MSH3: variants seen among roughly 807,000 people sequenced by gnomAD.
MSH3 encodes DNA mismatch repair protein Msh3.
In MSH3, 106 loss-of-function variants were observed where a neutral mutation model predicts 123.3. The observed-to-expected ratio is 0.86, with a 90% CI of 0.73 to 1.01. The LOEUF is 1.01. Among genes scored for constraint, MSH3 ranks in the 50% least tolerant of loss-of-function variants. MSH3 has a pLI of 0.00. For synonymous variants in MSH3, 515 were observed against 481.4 expected (o/e 1.07, Z -0.91); for missense variants, 1,459 against 1,347.6 (o/e 1.08, Z -1.29).
intron 19 of MSH3, among the ~76,000 whole-genome samples, chr5:80,808,277 A>T (rs1220770700): frequency 6.6e-6 from 1 of 152,188 alleles, no homozygotes; most frequent in African/African-American, 2.4e-5. Flanking sequence ...CAGCTATGTG[A>T]TCTGCCAATG....
At chr5:80,816,410 A>C (rs538251348) in intron 20 of MSH3, among the ~76,000 whole-genome samples, 1 of 152,356 alleles carries the variant, frequency 6.6e-6, no homozygotes, top group African/African-American at 2.4e-5. Flanking sequence ...GAGCATGTGC[A>C]AAAGTCCTTT....
At chr5:80,824,820 C>T (rs554846937) in intron 20 of MSH3, among the ~76,000 whole-genome samples, 1 of 152,224 alleles carries the variant, frequency 6.6e-6, no homozygotes, top group Non-Finnish European at 1.5e-5. Context: ...TCAGTTTATA[C>T]AGATTAGTCG....
chr5:80,766,619 A>G (rs957195694), intron 13 of MSH3, among the ~76,000 whole-genome samples: 2 of 152,022 alleles, frequency 1.3e-5, no homozygotes, highest in African/African-American at 4.8e-5. Context: ...CTGGGATTAC[A>G]GGCGTGAGTC....
intron 10 of MSH3, among the ~76,000 whole-genome samples, chr5:80,732,906 C>T (rs1743436847): frequency 6.6e-6 from 1 of 152,138 alleles, no homozygotes. Context: ...ATGAAAACCT[C>T]ACAGACATTA....
intron 18 of MSH3, among the ~76,000 whole-genome samples, chr5:80,789,658 A>C (rs1018706198): frequency 6.6e-6 from 1 of 152,260 alleles, no homozygotes; most frequent in African/African-American, 2.4e-5. Flanking sequence ...GACGTGAGCC[A>C]TAGCGCCTGT....
chr5:80,802,449 G>T (rs1176501011), intron 19 of MSH3, among the ~76,000 whole-genome samples: 1 of 151,478 alleles, frequency 6.6e-6, no homozygotes, highest in African/African-American at 2.4e-5. Context: ...CACATAGTAG[G>T]TGTGTATATT....
intron 12 of MSH3, among the ~76,000 whole-genome samples, chr5:80,755,956 G>A (rs1350036431): frequency 2.6e-5 from 4 of 152,158 alleles, no homozygotes; most frequent in African/African-American, 9.7e-5. Context: ...TATACTCTGT[G>A]TGGTCTGGCA....
At position 80,768,968 on chromosome 5, in the gene MSH3, C is replaced by T. The variant is rs931950562; in HGVS notation, c.2218C>T (p.Pro740Ser). Reference protein sequence around the residue: ...LQEIRKILKNPSAQYVTVSGQ... With the variant: ...LQEIRKILKNSSAQYVTVSGQ... ...AGAAATACGAAAAATACTAAAAAAT[C>T]CTTCTGCACAATATGTGACAGTATC... The change falls in exon 15 of 24, where the codon CCT (proline) becomes TCT (serine). Residue 740 changes from proline to serine, a missense_variant. By Grantham distance (74) the Pro-to-Ser change is moderately conservative. Coordinates refer to ENST00000265081, the MANE Select transcript of MSH3 (RefSeq NM_002439.5). 1.9e-6 allele frequency: 3 copies of T among 1,612,996 alleles called. No homozygotes were observed. The highest frequency in any genetic ancestry group is 2.5e-6 in the Non-Finnish European group (3 of 1,179,300).
chr5:80,659,352 A>AT (rs1316281861), intron 2 of MSH3, among the ~76,000 whole-genome samples: 1 of 152,066 alleles, frequency 6.6e-6, no homozygotes, highest in Non-Finnish European at 1.5e-5. Flanking sequence ...ATTTTAGAAC[A>AT]TTTTCATCAC....
At chr5:80,748,677 G>T in intron 12 of MSH3, among the ~76,000 whole-genome samples, 1 of 145,600 alleles carries the variant, frequency 6.9e-6, no homozygotes. Context: ...ATATAGTCTT[G>T]TCAATTTTTT....
In MSH3 at chr5:80,679,224, A is replaced by G. The variant is rs1038207640; in HGVS notation, c.1340+131A>G. 3.0e-6 allele frequency: 3 copies of G among 984,212 alleles called. No individual in the cohort carries two copies. In the African/African-American group the frequency reaches 4.9e-5, roughly 16 times the overall value. The allele number at this position is 984,212 out of a possible 1,614,324, so 61.0% of individuals were successfully genotyped here. Reference sequence around the variant, plus strand: ...TTATATTTCCACTGTAGTAGTGGAAATTTAAAAAAAAAAGTAAAACAACAA... The same window carrying G: ...TTATATTTCCACTGTAGTAGTGGAAGTTTAAAAAAAAAAGTAAAACAACAA... On this transcript the variant is annotated intron_variant, in intron 8 of 23. Coordinates refer to ENST00000265081, the MANE Select transcript of MSH3 (RefSeq NM_002439.5).
At chr5:80,856,423 C>T (rs1344687117) in intron 21 of MSH3, among the ~76,000 whole-genome samples, 4 of 151,252 alleles carry the variant, frequency 2.6e-5, no homozygotes, top group African/African-American at 4.9e-5. Flanking sequence ...AAGCTGGAAA[C>T]GATCATTCTC....
At chr5:80,721,227 C>G (rs957447471) in intron 8 of MSH3, among the ~76,000 whole-genome samples, 49 of 152,172 alleles carry the variant, frequency 3.2e-4, no homozygotes, top group Non-Finnish European at 7.3e-5. Flanking sequence ...TTTCTCCTGG[C>G]TCTGTTCTGT....
chr5:80,761,748 A>G (rs1744039922), intron 13 of MSH3, 70 bp downstream of exon 13: 2 of 1,520,100 alleles, frequency 1.3e-6, no homozygotes, highest in Non-Finnish European at 1.8e-6. Context: ...ATTAAAAGAA[A>G]ACTTTTGAGA....
intron 12 of MSH3, among the ~76,000 whole-genome samples, chr5:80,761,257 T>C (rs1386430960): frequency 6.6e-6 from 1 of 152,188 alleles, no homozygotes; most frequent in Admixed American, 6.5e-5. Flanking sequence ...GCTTCCCGCC[T>C]CACAGACTGT....
rs1488594200 is a variant in MSH3, at chr5:80,656,407, A to G, written c.238-4A>G. On this transcript the variant is annotated splice_polypyrimidine_tract_variant and splice_region_variant and intron_variant, in intron 1 of 23. Transcript: ENST00000265081. ...CACATCATTTTCTAACCTTCCCGAT[A>G]TAGGCTACAGAAATTGACAGAAGAA... 3 of 1,614,096 alleles carry G rather than the reference A, an allele frequency of 1.9e-6. No homozygotes were observed. The highest frequency in any genetic ancestry group is 1.7e-6 in the Non-Finnish European group (2 of 1,179,986).
chr5:80,723,039 A>G (rs957172340), intron 8 of MSH3, among the ~76,000 whole-genome samples: 1 of 152,064 alleles, frequency 6.6e-6, no homozygotes, highest in Non-Finnish European at 1.5e-5. Context: ...TGGGAGGTCG[A>G]TGATGCTGCA....
chr5:80,797,660 A>G (rs1580056210), intron 19 of MSH3, among the ~76,000 whole-genome samples: 1 of 152,238 alleles, frequency 6.6e-6, no homozygotes, highest in African/African-American at 2.4e-5. Flanking sequence ...AAACATAAAC[A>G]TATTTTAAGG....
rs149050904 is a variant in MSH3 at position 80,818,966 on chromosome 5, G to C, written c.2813+5225G>C. Among the ~76,000 whole-genome samples, 650 of 152,276 alleles carry C rather than the reference G, an allele frequency of 4.3e-3. 5 individuals carry two copies. The highest frequency in any genetic ancestry group is 0.015 in the African/African-American group (603 of 41,554). Reference sequence around the variant, plus strand: ...TGTAGGATAGGCATTGTTTCAAACTGTGCGTATGAAATCAGTGCATTGAAT... The same window carrying C: ...TGTAGGATAGGCATTGTTTCAAACTCTGCGTATGAAATCAGTGCATTGAAT... On this transcript the variant is annotated intron_variant, in intron 20 of 23. Coordinates refer to ENST00000265081, the MANE Select transcript of MSH3 (RefSeq NM_002439.5).
Sources: allele counts gnomAD v4.1 joint callset (sites outside exome capture counted in the v4.1 genomes callset), GRCh38; gene constraint gnomAD v4.1.1; transcripts MANE v1.5; gene names NCBI Gene and HGNC (gene_info 2026-07-23, HGNC 2026-07-21).